Variants in CDH12 observed in about 807,000 individuals in gnomAD.
The protein encoded by CDH12 is cadherin 12, also known as cadherin-12.
In CDH12, 41 loss-of-function variants were observed where a neutral mutation model predicts 74.1. The observed-to-expected ratio is 0.55, with a 90% confidence interval of 0.43 to 0.72. The LOEUF is 0.72. Among genes scored for constraint, CDH12 ranks in the 30% least tolerant of loss-of-function variants. CDH12 has a pLI of 0.00. For synonymous variants in CDH12, 399 were observed against 355.0 expected (o/e 1.12, Z -1.39); for missense variants, 945 against 977.2 (o/e 0.97, Z 0.44).
chr5:22,291,201 T>A (rs1737373619), intron 3 of CDH12, among the ~76,000 whole-genome samples: 1 of 152,106 alleles, frequency 6.6e-6, no homozygotes, highest in South Asian at 2.1e-4. Flanking sequence ...GCAAATTAGA[T>A]ATAAAATAAA....
At chr5:22,480,877 G>A (rs564965995) in intron 2 of CDH12, among the ~76,000 whole-genome samples, 10 of 152,172 alleles carry the variant, frequency 6.6e-5, no homozygotes, top group Admixed American at 5.9e-4. Context: ...CAATGCTCAC[G>A]CAAATTCTTC....
chr5:22,120,467 G>A (rs759434270), intron 4 of CDH12, among the ~76,000 whole-genome samples: 7 of 152,108 alleles, frequency 4.6e-5, no homozygotes, highest in Non-Finnish European at 5.9e-5. Context: ...CCACAAGCAA[G>A]AGAGAAACAC....
intron 5 of CDH12, among the ~76,000 whole-genome samples, chr5:22,005,106 T>A (rs370329948): frequency 6.6e-6 from 1 of 152,174 alleles, no homozygotes; most frequent in Non-Finnish European, 1.5e-5. Context: ...AATGGCGCAG[T>A]CTAGGCTCAC....
rs541151843 is a variant in CDH12 at position 22,028,544 on chromosome 5, C to T, written c.231+49902G>A. Among the ~76,000 whole-genome samples, 308 of 152,206 alleles carry T rather than the reference C, an allele frequency of 2.0e-3. 4 individuals are homozygous for T. The highest frequency in any genetic ancestry group is 6.8e-3 in the African/African-American group (283 of 41,542). On this transcript the variant is annotated intron_variant, in intron 5 of 14. Transcript: ENST00000382254. ...AAAGAGAATAAAATACCCAGGAATC[C>T]AACTTACAAGGGACGTGAAGGACCT...
chr5:21,983,452 T>C (rs1165827864), intron 5 of CDH12, among the ~76,000 whole-genome samples: 1 of 152,146 alleles, frequency 6.6e-6, no homozygotes, highest in African/African-American at 2.4e-5. Context: ...TTTTTATGAA[T>C]GTAGTCTAAT....
At chr5:22,801,727 A>C (rs1748540149) in intron 1 of CDH12, among the ~76,000 whole-genome samples, 1 of 145,410 alleles carries the variant, frequency 6.9e-6, no homozygotes. Flanking sequence ...TTTAAATGTT[A>C]TATCTGTCTT....
chr5:22,062,577 AT>A lies in CDH12; in HGVS notation c.231+15868del, dbSNP rs1384854960. 2.6e-5 allele frequency among the ~76,000 whole-genome samples: 4 copies of A among 152,252 alleles called. 1 individual carries two copies. The East Asian group carries it at 7.7e-4, about 29-fold the overall frequency. On this transcript the variant is annotated intron_variant, in intron 5 of 14. Coordinates refer to ENST00000382254, the MANE Select transcript of CDH12 (RefSeq NM_004061.5). Reference sequence around the variant, plus strand: ...CAGAAAAAGCAGAGAGCTAAAGATGATTTGTTGAGCAGCAAGGTCAACCTAT... The same window carrying A: ...CAGAAAAAGCAGAGAGCTAAAGATGATTGTTGAGCAGCAAGGTCAACCTAT...
In CDH12 at chr5:22,806,351, CTT is replaced by C. The variant is rs35491823; in HGVS notation, c.-523+46705_-523+46706del. 7.4e-4 allele frequency among the ~76,000 whole-genome samples: 93 copies of C among 126,310 alleles called. No individual in the cohort carries two copies. In the South Asian group the frequency reaches 0.013, roughly 18 times the overall value. The allele number at this position is 126,310 out of a possible 152,430, so 82.9% of individuals were successfully genotyped here. On this transcript the variant is annotated intron_variant, in intron 1 of 14. Coordinates refer to ENST00000382254, the MANE Select transcript of CDH12 (RefSeq NM_004061.5). ...TTCTGACTTTATAATGATTGCCATT[CTT>C]TTTTTTTTTTTTTTTTTGAGATGGA...
chr5:21,885,248 G>A (rs1752567564), intron 6 of CDH12, among the ~76,000 whole-genome samples: 1 of 152,176 alleles, frequency 6.6e-6, no homozygotes, highest in Admixed American at 6.5e-5. Context: ...AACAGTATGA[G>A]AAAGTAACTG....
chr5:22,641,462 C>A (rs1479005784), intron 1 of CDH12, among the ~76,000 whole-genome samples: 1 of 152,064 alleles, frequency 6.6e-6, no homozygotes, highest in African/African-American at 2.4e-5. Context: ...CAGATCTTCC[C>A]CACTTGGTCT....
At chr5:22,418,881 A>T (rs1325482109) in intron 2 of CDH12, among the ~76,000 whole-genome samples, 2 of 152,150 alleles carry the variant, frequency 1.3e-5, no homozygotes, top group Non-Finnish European at 2.9e-5. Context: ...TGAGACTCAA[A>T]AAACAAAAAT....
Position 22,709,143 on chromosome 5 carries a change from AAGAG to A in CDH12, c.-523+143911_-523+143914del, listed in dbSNP as rs560963870. ...CCCGCAGGACCTGTAGGGTGACGGG[AAGAG>A]AGAGAGTGGCCACAAATTCTGAGAA... is the stretch of plus-strand genomic sequence containing the variant. On this transcript the variant is annotated intron_variant, in intron 1 of 14. Transcript: ENST00000382254. 9.9e-4 allele frequency among the ~76,000 whole-genome samples: 151 copies of A among 152,314 alleles called. 1 individual carries two copies. Among genetic ancestry groups the A allele is most frequent in the African/African-American group, 3.6e-3 (151 of 41,578 alleles).
At chr5:22,329,786 A>T (rs538578304) in intron 3 of CDH12, among the ~76,000 whole-genome samples, 3 of 152,154 alleles carry the variant, frequency 2.0e-5, no homozygotes, top group Non-Finnish European at 4.4e-5. Context: ...GCGCCCACAC[A>T]TGGAGGGAGC....
At chr5:22,562,852 C>CTTAGAGA (rs5866575) in intron 1 of CDH12, among the ~76,000 whole-genome samples, 23,123 of 148,128 alleles carry the variant, frequency 0.16, 2,325 homozygotes, top group East Asian at 0.36. Flanking sequence ...TAAATGATCT[C>CTTAGAGA]TTATAGTCTA....
chr5:22,827,182 C>T (rs976357956), intron 1 of CDH12, among the ~76,000 whole-genome samples: 8 of 152,116 alleles, frequency 5.3e-5, no homozygotes, highest in African/African-American at 1.2e-4. Flanking sequence ...ATGTAGAGCT[C>T]GGGCTGTGGC....
chr5:22,006,620 T>C (rs1332758769), intron 5 of CDH12, among the ~76,000 whole-genome samples: 4 of 152,188 alleles, frequency 2.6e-5, no homozygotes, highest in African/African-American at 9.7e-5. Context: ...CCTATAGATA[T>C]AACATTTACA....
At chr5:21,847,016 C>G (rs1750209189) in intron 7 of CDH12, among the ~76,000 whole-genome samples, 1 of 152,056 alleles carries the variant, frequency 6.6e-6, no homozygotes. Context: ...AGACTTAGAC[C>G]ACCAGTCTGC....
At chr5:22,458,534 T>C (rs541229077) in intron 2 of CDH12, among the ~76,000 whole-genome samples, 1 of 152,278 alleles carries the variant, frequency 6.6e-6, no homozygotes, top group African/African-American at 2.4e-5. Context: ...AAATACTTCT[T>C]TGAATGTACC....
At chr5:22,691,977 G>A (rs1280831543) in intron 1 of CDH12, among the ~76,000 whole-genome samples, 2 of 152,184 alleles carry the variant, frequency 1.3e-5, no homozygotes, top group Non-Finnish European at 1.5e-5. Context: ...CCTACATGGT[G>A]ATATAGTTTG....
Sources: gnomAD v4.1 joint callset for allele counts (sites outside exome capture counted in the v4.1 genomes callset) on GRCh38, gnomAD v4.1.1 for gene constraint, MANE v1.5 for transcripts, NCBI Gene and HGNC (gene_info 2026-07-23, HGNC 2026-07-21) for gene names.